Variants in CFAP69 observed in about 807,000 individuals in gnomAD.
CFAP69 encodes the protein cilia- and flagella-associated protein 69.
A neutral mutation model predicts 123.0 loss-of-function variants in CFAP69; 92 were observed. That is an observed-to-expected ratio of 0.75 (90% CI 0.63 to 0.89). The LOEUF (loss-of-function observed/expected upper bound fraction) is 0.89. Ranked by LOEUF, CFAP69 falls within the 40% of genes least tolerant of loss-of-function variation. CFAP69 has a pLI of 0.00. For missense variants in CFAP69, 1,067 were observed against 1,096.9 expected, an observed-to-expected ratio of 0.97 and a Z score of 0.39; for synonymous variants, 380 against 364.3, an observed-to-expected ratio of 1.04 and a Z score of -0.49.
chr7:90,300,975 C>CT (rs200376691), intron 17 of CFAP69: 3,056 of 147,306 alleles, frequency 0.021, 93 homozygotes, highest in East Asian at 0.11. Flanking sequence ...TTCTTTTTTT[C>CT]TTTTTTTTTT....
chr7:90,320,391 T>C, the CFAP69 span: 2 of 152,232 alleles, frequency 1.3e-5, no homozygotes, highest in Admixed American at 6.5e-5. Context: ...TAGACATACA[T>C]GAAGTGGCAC....
At chr7:90,284,890 A>C (rs1790038554) in intron 13 of CFAP69, among the ~76,000 whole-genome samples, 1 of 152,200 alleles carries the variant, frequency 6.6e-6, no homozygotes, top group African/African-American at 2.4e-5. Context: ...TTCGAACTTC[A>C]TCCTCTTAAG....
At position 90,297,729 on chromosome 7, in the gene CFAP69, TA is replaced by T; in HGVS notation, c.1776-18del. ...TAACAATAAATGTTTGTCAAATGAATAACTTTCTTTTAATTTAAGGTGCTGT... is the reference window on the plus strand; with the variant it reads ...TAACAATAAATGTTTGTCAAATGAATACTTTCTTTTAATTTAAGGTGCTGT... On this transcript the variant is annotated intron_variant, in intron 15 of 22. Coordinates refer to ENST00000389297, the MANE Select transcript of CFAP69 (RefSeq NM_001039706.3). The T allele has an allele frequency of 6.9e-7, 1 of 1,459,420 alleles. No homozygotes were observed. 90.4% of individuals were successfully genotyped at this position (1,459,420 alleles called of 1,614,324 possible).
At chr7:90,294,887 G>A (rs1345264672) in intron 15 of CFAP69, among the ~76,000 whole-genome samples, 1 of 152,162 alleles carries the variant, frequency 6.6e-6, no homozygotes, top group Non-Finnish European at 1.5e-5. Context: ...TTGCACAGAG[G>A]GGAAGGGAAG....
At chr7:90,249,389 A>G (rs1796702025) in intron 1 of CFAP69, among the ~76,000 whole-genome samples, 1 of 152,202 alleles carries the variant, frequency 6.6e-6, no homozygotes, top group Non-Finnish European at 1.5e-5. Flanking sequence ...TAAATTACCC[A>G]GTCTTGGGTG....
chr7:90,253,993 C>T (rs934705526), intron 1 of CFAP69, among the ~76,000 whole-genome samples: 1 of 151,986 alleles, frequency 6.6e-6, no homozygotes. Flanking sequence ...GTCTTTAATC[C>T]ATTTTGATTT....
rs574911159 is a variant in CFAP69 at position 90,288,648 on chromosome 7, G to A, written c.1775+296G>A. 3.3e-5 allele frequency among the ~76,000 whole-genome samples: 5 copies of A among 152,090 alleles called. No individual in the cohort carries two copies. The South Asian group carries it at 1.0e-3, about 32-fold the overall frequency. ...CTAAACATTAAAAAAGGTACAGTAAGACTACAGAATAAAAGATAAAAAAAA... is the reference window on the plus strand; with the variant it reads ...CTAAACATTAAAAAAGGTACAGTAAAACTACAGAATAAAAGATAAAAAAAA... On this transcript the variant is annotated intron_variant, in intron 15 of 22. Coordinates refer to ENST00000389297, the MANE Select transcript of CFAP69 (RefSeq NM_001039706.3).
At chr7:90,303,390 T>G (rs1261294484) in intron 17 of CFAP69, 2 of 191,980 alleles carry the variant, frequency 1.0e-5, no homozygotes, top group Admixed American at 1.3e-4. Context: ...TTGTGCCAGT[T>G]TACAAAGGGA....
chr7:90,318,418 A>G, the CFAP69 span: 1 of 152,198 alleles, frequency 6.6e-6, no homozygotes, highest in African/African-American at 2.4e-5. Context: ...TTAGTCCTTA[A>G]TGCATAGAAA....
At chr7:90,319,423 G>A in the CFAP69 span, 1 of 398,454 alleles carries the variant, frequency 2.5e-6, no homozygotes, top group South Asian at 1.3e-4. Flanking sequence ...CATTCCATGA[G>A]ATCTTGAAAG....
intron 4 of CFAP69, among the ~76,000 whole-genome samples, chr7:90,262,331 G>A (rs544427042): frequency 3.3e-5 from 5 of 152,070 alleles, no homozygotes; most frequent in Non-Finnish European, 7.4e-5. Context: ...ATGTAACCAA[G>A]GAATTATAGT....
At chr7:90,261,726 T>C (rs12669304) in intron 3 of CFAP69, among the ~76,000 whole-genome samples, 69,353 of 151,840 alleles carry the variant, frequency 0.46, 16,945 homozygotes, top group Non-Finnish European at 0.55. Context: ...AGGAAAAAAA[T>C]TTTGAGTAGG....
rs71104454 is a variant in CFAP69 at position 90,264,104 on chromosome 7, AATATATATATATATATATAT to A, written c.357-1170_357-1151del. Among the ~76,000 whole-genome samples the A allele has an allele frequency of 3.9e-4, 19 of 48,886 alleles. 1 individual carries two copies. The highest frequency in any genetic ancestry group is 5.8e-4 in the African/African-American group (8 of 13,832). 32.1% of individuals were successfully genotyped at this position (48,886 alleles called of 152,430 possible). A position where few individuals can be genotyped will look rare whatever the true frequency, so the allele number is the denominator to read the frequency against. On this transcript the variant is annotated intron_variant, in intron 4 of 22. Transcript: ENST00000389297. ...AGACTCCATCTCGAAAAAAAAAAAA[AATATATATATATATATATAT>A]ATATATATATATATATATATATATA...
At chr7:90,319,265 C>G in the CFAP69 span, 30 of 394,658 alleles carry the variant, frequency 7.6e-5, no homozygotes, top group African/African-American at 1.4e-4. Context: ...AATTTGCTAC[C>G]TTGTTGGATA....
At position 90,310,342 on chromosome 7, in the gene CFAP69, T is replaced by C. The variant is rs1794202204; in HGVS notation, c.*104T>C. The C allele has an allele frequency of 1.7e-6, 1 of 590,452 alleles. No individual in the cohort carries two copies. Among genetic ancestry groups the C allele is most frequent in the Non-Finnish European group, 2.5e-6 (1 of 398,978 alleles). The allele number at this position is 590,452 out of a possible 1,614,324, so 36.6% of individuals were successfully genotyped here. Reference sequence around the variant, plus strand: ...ATATTTTAGAATAAGTATTTTAGTATAAATATTTTAGTAAAATACTATAAA... The same window carrying C: ...ATATTTTAGAATAAGTATTTTAGTACAAATATTTTAGTAAAATACTATAAA... On this transcript the variant is annotated 3_prime_UTR_variant, in exon 23 of 23. Coordinates refer to ENST00000389297, the MANE Select transcript of CFAP69 (RefSeq NM_001039706.3).
chr7:90,314,586 A>G (rs1404818560), downstream of CFAP69, among the ~76,000 whole-genome samples: 1 of 151,848 alleles, frequency 6.6e-6, no homozygotes, highest in African/African-American at 2.4e-5. Flanking sequence ...CCGTGATTGC[A>G]CCACTGACAG....
In CFAP69 at chr7:90,306,948, A is replaced by G. The variant is rs752555236; in HGVS notation, c.2313A>G (p.Lys771=). ...TATATGAAGAAATAAAATTAGAAAA[A>G]TTAAGACCAGTCACTACAGATAAAA... ...NEIYEEIKLE[K]LRPVTTDKKA... The change falls in exon 20 of 23, where the codon AAA becomes AAG. Residue 771 remains lysine (K), a synonymous_variant. Transcript: ENST00000389297. 2 of 1,573,638 alleles carry G rather than the reference A, an allele frequency of 1.3e-6. No individual in the cohort carries two copies. Among genetic ancestry groups the G allele is most frequent in the East Asian group, 4.5e-5 (2 of 44,588 alleles).
At chr7:90,283,702 A>T (rs1391309723) in intron 13 of CFAP69, among the ~76,000 whole-genome samples, 2 of 152,176 alleles carry the variant, frequency 1.3e-5, no homozygotes, top group East Asian at 1.9e-4. Flanking sequence ...AAAAATAAAT[A>T]GTTCTCTAGA....
At chr7:90,279,374 C>G (rs763247601) in intron 11 of CFAP69, among the ~76,000 whole-genome samples, 2 of 151,902 alleles carry the variant, frequency 1.3e-5, no homozygotes, top group Non-Finnish European at 2.9e-5. Context: ...TTTTATTATA[C>G]GTTAAAATAT....
Sources: gnomAD v4.1 joint callset for allele counts (sites outside exome capture counted in the v4.1 genomes callset) on GRCh38, gnomAD v4.1.1 for gene constraint, MANE v1.5 for transcripts, NCBI Gene and HGNC (gene_info 2026-07-23, HGNC 2026-07-21) for gene names.